Variants in TTLL6 observed in about 807,000 individuals in gnomAD.
TTLL6 encodes tubulin tyrosine ligase like 6.
TTLL6 carries 75 observed loss-of-function variants against 96.4 expected under a neutral mutation model. That is an observed-to-expected ratio of 0.78 (90% confidence interval 0.65 to 0.94). The LOEUF (loss-of-function observed/expected upper bound fraction) is 0.94. TTLL6 is among the 40% of genes least tolerant of loss of function. TTLL6 has a pLI of 0.00. For synonymous variants in TTLL6, 411 were observed against 419.4 expected, an observed-to-expected ratio of 0.98 and a Z score of 0.24; for missense variants, 1,030 against 1,093.0, an observed-to-expected ratio of 0.94 and a Z score of 0.81.
Position 48,782,638 on chromosome 17 carries a change from G to GGT in TTLL6, c.2040+2284_2040+2285insAC, listed in dbSNP as rs1567721306. Among the ~76,000 whole-genome samples the GGT allele has an allele frequency of 4.6e-5, 7 of 152,152 alleles. No individual in the cohort carries two copies. In the East Asian group the frequency reaches 1.3e-3, roughly 29 times the overall value. ...AGCTGCAAAACATACTCTCTTAAAG[G>GGT]TGCTTTTCAAACCATGGGTTGTAAA... On this transcript the variant is annotated intron_variant, in intron 13 of 15. Coordinates refer to ENST00000393382, the MANE Select transcript of TTLL6 (RefSeq NM_001130918.3).
intron 13 of TTLL6, 112 bp from the exon 14 acceptor site, chr17:48,770,209 C>T (rs1885879607): frequency 2.1e-6 from 3 of 1,427,304 alleles, no homozygotes; most frequent in South Asian, 3.2e-5. Flanking sequence ...GCTGCCCAGG[C>T]TGGCCTCAAA....
chr17:48,766,090 T>A (rs1300761676), intron 15 of TTLL6, among the ~76,000 whole-genome samples: 1 of 152,206 alleles, frequency 6.6e-6, no homozygotes, highest in East Asian at 1.9e-4. Context: ...CAGCATCTGA[T>A]GTCAGAGGTA....
At chr17:48,766,839 C>A (rs1368477644) in intron 15 of TTLL6, among the ~76,000 whole-genome samples, 1 of 152,108 alleles carries the variant, frequency 6.6e-6, no homozygotes, top group East Asian at 1.9e-4. Context: ...AATAACAGGC[C>A]CACAGGTCAG....
At chr17:48,804,387 G>A (rs567104734) in intron 2 of TTLL6, 27 of 486,078 alleles carry the variant, frequency 5.6e-5, no homozygotes, top group South Asian at 3.1e-4. Context: ...AACAAGAACT[G>A]GAATGCACAA....
rs1172291599 is a variant in TTLL6, at chr17:48,799,778, G to A, written c.612-18C>T. ...CTCCCCAGCTACCAGAGCAGGGAGG[G>A]AACAAGATACATCTTTAGCTGGGGA... On this transcript the variant is annotated intron_variant, in intron 5 of 15. Transcript: ENST00000393382. 6.5e-6 allele frequency: 10 copies of A among 1,549,126 alleles called. No individual in the cohort carries two copies. The highest frequency in any genetic ancestry group is 8.7e-6 in the Non-Finnish European group (10 of 1,145,330).
At chr17:48,778,361 T>A (rs942496542) in intron 13 of TTLL6, among the ~76,000 whole-genome samples, 3 of 150,842 alleles carry the variant, frequency 2.0e-5, no homozygotes, top group African/African-American at 7.3e-5. Context: ...GGAAGAGCTA[T>A]ACAAGAAAAA....
At chr17:48,812,064 A>ACCCC (rs56757071) in intron 1 of TTLL6, 6 of 76,192 alleles carry the variant, frequency 7.9e-5, no homozygotes, top group African/African-American at 2.7e-4. Flanking sequence ...TGATGCTGGG[A>ACCCC]CCCCCCCCCC....
Position 48,791,510 on chromosome 17 carries a change from G to A in TTLL6, c.1092C>T (p.Leu364=), listed in dbSNP as rs1377446238. ...GCCTGATGATGGGGTGGGCCGAGAT[G>A]AGGGTCTTGATGATGACGTCCTCAA... is the stretch of plus-strand genomic sequence containing the variant. The part of the protein sequence containing the change: ...RDIEDVIIKT[L]ISAHPIIRHN... The change falls in exon 9 of 16, where the codon CTC becomes CTT. Residue 364 remains leucine, a synonymous_variant. Transcript: ENST00000393382. 2 of 1,614,196 alleles carry A rather than the reference G, an allele frequency of 1.2e-6. No homozygotes were observed. Among genetic ancestry groups the A allele is most frequent in the East Asian group, 2.2e-5 (1 of 44,878 alleles).
At chr17:48,810,804 A>T in intron 1 of TTLL6, among the ~76,000 whole-genome samples, 1 of 61,866 alleles carries the variant, frequency 1.6e-5, no homozygotes. Flanking sequence ...GTACATATAT[A>T]CACATATATA....
chr17:48,795,129 C>A (rs1339836007), intron 8 of TTLL6, among the ~76,000 whole-genome samples: 3 of 152,088 alleles, frequency 2.0e-5, no homozygotes, highest in Admixed American at 6.6e-5. Context: ...AGATCATGAC[C>A]ATCCTGGCCA....
intron 1 of TTLL6, chr17:48,815,725 G>A (rs1416902574): frequency 3.3e-5 from 5 of 152,230 alleles, no homozygotes; most frequent in Non-Finnish European, 5.9e-5. Flanking sequence ...GGGAGGGATG[G>A]GGCACCCAAT....
intron 10 of TTLL6, among the ~76,000 whole-genome samples, chr17:48,789,427 C>A (rs668835): frequency 0.91 from 138,579 of 152,218 alleles, 63,462 homozygotes; most frequent in Non-Finnish European, 0.96. Context: ...TATCTCATTT[C>A]ATTCGCCCAA....
chr17:48,763,729 G>A (rs1035839628), intron 15 of TTLL6, among the ~76,000 whole-genome samples: 22 of 152,118 alleles, frequency 1.4e-4, no homozygotes, highest in African/African-American at 5.3e-4. Flanking sequence ...AACCTGGGAG[G>A]TGAAAGTAGC....
chr17:48,810,812 ATAGTATGTGTGTG>A lies in TTLL6; in HGVS notation c.104-5834_104-5822del, dbSNP rs2039572286. Among the ~76,000 whole-genome samples the A allele has an allele frequency of 2.9e-4, 15 of 52,590 alleles. 1 individual carries two copies. The highest frequency in any genetic ancestry group is 1.1e-3 in the African/African-American group (12 of 10,958). The allele number at this position is 52,590 out of a possible 152,430, so 34.5% of individuals were successfully genotyped here. On this transcript the variant is annotated intron_variant, in intron 1 of 15. Coordinates refer to ENST00000393382, the MANE Select transcript of TTLL6 (RefSeq NM_001130918.3). ...ATATATAGTACATATATACACATAT[ATAGTATGTGTGTG>A]TATATATATATATATATATATATAT...
chr17:48,785,922 G>A (rs1356594629), intron 12 of TTLL6, among the ~76,000 whole-genome samples: 1 of 152,180 alleles, frequency 6.6e-6, no homozygotes, highest in Non-Finnish European at 1.5e-5. Context: ...TACTCCTACT[G>A]GAGGAGGCAA....
At chr17:48,787,404 TC>T (rs1188854065) in intron 11 of TTLL6, among the ~76,000 whole-genome samples, 18 of 152,102 alleles carry the variant, frequency 1.2e-4, no homozygotes, top group Admixed American at 1.2e-3. Context: ...TTTTTGCTTT[TC>T]TTTGAGACAA....
At chr17:48,788,131 C>A in intron 10 of TTLL6, 132 bp from the exon 11 acceptor site, 1 of 785,882 alleles carries the variant, frequency 1.3e-6, no homozygotes, top group Non-Finnish European at 2.0e-6. Flanking sequence ...TCAGGATTTG[C>A]TAAATAAATG....
intron 1 of TTLL6, among the ~76,000 whole-genome samples, chr17:48,806,431 T>G (rs2039506549): frequency 6.6e-6 from 1 of 152,140 alleles, no homozygotes; most frequent in Non-Finnish European, 1.5e-5. Flanking sequence ...AAGGCACCTA[T>G]GACCACAGAG....
intron 13 of TTLL6, among the ~76,000 whole-genome samples, chr17:48,774,091 C>CA (rs1555563596): frequency 9.4e-6 from 1 of 106,450 alleles, no homozygotes; most frequent in East Asian, 6.3e-4. Flanking sequence ...TCAAAAAAAA[C>CA]AAAACAAAAA....
Sources: gnomAD v4.1 joint callset for allele counts (sites outside exome capture counted in the v4.1 genomes callset) on GRCh38, gnomAD v4.1.1 for gene constraint, MANE v1.5 for transcripts, NCBI Gene and HGNC (gene_info 2026-07-23, HGNC 2026-07-21) for gene names.